Variants in TMEM132D observed in about 807,000 individuals in gnomAD.
TMEM132D encodes mature OL transmembrane protein.
TMEM132D carries 21 observed loss-of-function variants against 62.3 expected under a neutral mutation model. The ratio of observed to expected loss-of-function variants is 0.34; its 90% CI spans 0.24 to 0.49. TMEM132D has a LOEUF of 0.49. TMEM132D is among the 20% of genes least tolerant of loss of function. TMEM132D has a pLI of 0.99. For synonymous variants in TMEM132D, 621 were observed against 575.6 expected (o/e 1.08, Z -1.13); for missense variants, 1,346 against 1,402.8 (o/e 0.96, Z 0.65).
chr12:129,861,652 T>C (rs1873902048), intron 1 of TMEM132D, among the ~76,000 whole-genome samples: 1 of 149,698 alleles, frequency 6.7e-6, no homozygotes. Context: ...TCCCAGCTAC[T>C]AGGGAGGCTG....
At chr12:129,162,725 G>A (rs896872213) in intron 5 of TMEM132D, among the ~76,000 whole-genome samples, 5 of 152,106 alleles carry the variant, frequency 3.3e-5, no homozygotes, top group African/African-American at 1.2e-4. Flanking sequence ...CTCCCCCTCT[G>A]CCTTCCACCA....
At chr12:129,694,898 C>A (rs1266331603) in intron 2 of TMEM132D, among the ~76,000 whole-genome samples, 1 of 152,172 alleles carries the variant, frequency 6.6e-6, no homozygotes, top group Non-Finnish European at 1.5e-5. Context: ...ATCCCAGCTA[C>A]TTTGGAGGCT....
intron 4 of TMEM132D, among the ~76,000 whole-genome samples, chr12:129,218,026 C>G (rs1201928606): frequency 2.0e-5 from 3 of 152,124 alleles, no homozygotes; most frequent in African/African-American, 7.2e-5. Context: ...CTCCCTGGGA[C>G]TTGAATTACA....
At chr12:129,511,303 T>C (rs1875490344) in intron 3 of TMEM132D, among the ~76,000 whole-genome samples, 4 of 152,352 alleles carry the variant, frequency 2.6e-5, no homozygotes, top group African/African-American at 7.2e-5. Context: ...CATTTGTGTC[T>C]GGCTTCTTTC....
rs528502239 is a variant in TMEM132D, at chr12:129,300,914, C to T, written c.1299+36720G>A. On this transcript the variant is annotated intron_variant, in intron 4 of 8. Coordinates refer to ENST00000422113, the MANE Select transcript of TMEM132D (RefSeq NM_133448.3). ...CTCCAATCTGGTGCTTCACTTCAAC[C>T]TTTCCTTTATCCTCACACTCCCTAC... 9.2e-5 allele frequency among the ~76,000 whole-genome samples: 14 copies of T among 152,308 alleles called. No individual in the cohort carries two copies. The East Asian group carries it at 2.3e-3, about 25-fold the overall frequency.
chr12:129,100,827 C>G (rs1313082037), intron 5 of TMEM132D, among the ~76,000 whole-genome samples: 1 of 152,178 alleles, frequency 6.6e-6, no homozygotes, highest in Non-Finnish European at 1.5e-5. Context: ...GAGAAAAGGT[C>G]AATTTACAAC....
chr12:129,620,441 G>A lies in TMEM132D; in HGVS notation c.968+79369C>T, dbSNP rs57120930. Among the ~76,000 whole-genome samples, 694 of 152,208 alleles carry A rather than the reference G, an allele frequency of 4.6e-3. 5 individuals carry two copies. Among genetic ancestry groups the A allele is most frequent in the African/African-American group, 0.016 (668 of 41,544 alleles). On this transcript the variant is annotated intron_variant, in intron 2 of 8. Coordinates refer to ENST00000422113, the MANE Select transcript of TMEM132D (RefSeq NM_133448.3). ...TGGCAAAAGCCCATCTCTGATAAAA[G>A]TACAAAACCTAGCTGGGTATGGTGG...
At chr12:129,142,086 T>C (rs1335805925) in intron 5 of TMEM132D, among the ~76,000 whole-genome samples, 1 of 151,224 alleles carries the variant, frequency 6.6e-6, no homozygotes, top group Non-Finnish European at 1.5e-5. Context: ...ACCCATTTGA[T>C]GGAAAAGACA....
At chr12:129,870,283 C>T (rs1033805513) in intron 1 of TMEM132D, among the ~76,000 whole-genome samples, 4 of 152,140 alleles carry the variant, frequency 2.6e-5, no homozygotes, top group South Asian at 2.1e-4. Context: ...ATGCCAGCCA[C>T]GCCTGGGTTT....
In TMEM132D at chr12:129,827,953, T is replaced by C. The variant is rs986831816; in HGVS notation, c.79+75308A>G. On this transcript the variant is annotated intron_variant, in intron 1 of 8. Transcript: ENST00000422113. The surrounding 1 kb of genome is among the most constrained non-coding windows in gnomAD (Gnocchi z 9.7). The stretch of plus-strand genomic sequence containing the variant: ...ATATTAATGTTAATAACTTGCTAAG[T>C]AATGATAAATGTATGATAATTTATT... 6.6e-6 allele frequency among the ~76,000 whole-genome samples: 1 copy of C among 152,220 alleles called. No homozygotes were observed. Among genetic ancestry groups the C allele is most frequent in the Non-Finnish European group, 1.5e-5 (1 of 68,048 alleles).
intron 3 of TMEM132D, among the ~76,000 whole-genome samples, chr12:129,481,937 G>A (rs1022509831): frequency 2.0e-5 from 3 of 152,188 alleles, no homozygotes; most frequent in Non-Finnish European, 2.9e-5. Flanking sequence ...TGCGTTGGCC[G>A]CTGGAAGTTT....
At position 129,337,927 on chromosome 12, in the gene TMEM132D, C is replaced by A. The variant is rs944928976; in HGVS notation, c.1116-110G>T. 55 of 1,118,794 alleles carry A rather than the reference C, an allele frequency of 4.9e-5. 1 individual carries two copies. In the Admixed American group the frequency reaches 8.8e-4, roughly 18 times the overall value. 69.3% of individuals were successfully genotyped at this position (1,118,794 alleles called of 1,614,324 possible). A position where few individuals can be genotyped will look rare whatever the true frequency, so the allele number is the denominator to read the frequency against. On this transcript the variant is annotated intron_variant, in intron 3 of 8. Transcript: ENST00000422113. Reference sequence around the variant, plus strand: ...TTTCTCTATGTACCTCCACATGGAACCAAGCGCACACATCTCTGCAAAGAG... The same window carrying A: ...TTTCTCTATGTACCTCCACATGGAAACAAGCGCACACATCTCTGCAAAGAG...
chr12:129,333,783 G>A (rs562381644), intron 4 of TMEM132D, among the ~76,000 whole-genome samples: 39 of 152,252 alleles, frequency 2.6e-4, no homozygotes, highest in South Asian at 1.2e-3. Context: ...TGGGGTGCTC[G>A]GGATGGAGAG....
intron 1 of TMEM132D, among the ~76,000 whole-genome samples, chr12:129,888,965 C>T (rs563715029): frequency 1.3e-4 from 20 of 152,274 alleles, no homozygotes; most frequent in Admixed American, 9.8e-4. Flanking sequence ...CGGGGAAGTC[C>T]CAAGAAGCAT....
chr12:129,311,398 T>C (rs1282600484), intron 4 of TMEM132D, among the ~76,000 whole-genome samples: 3 of 152,078 alleles, frequency 2.0e-5, no homozygotes, highest in Non-Finnish European at 4.4e-5. Context: ...CTATGAATAA[T>C]CAGTTATTGG....
intron 1 of TMEM132D, among the ~76,000 whole-genome samples, chr12:129,897,046 G>A (rs1875163179): frequency 6.6e-6 from 1 of 152,172 alleles, no homozygotes; most frequent in South Asian, 2.1e-4. Context: ...AATGTTTAAG[G>A]ACAGAGGTGA....
chr12:129,783,264 CAGGTA>C (rs1260332582), intron 1 of TMEM132D, among the ~76,000 whole-genome samples: 19 of 152,136 alleles, frequency 1.2e-4, no homozygotes, highest in Admixed American at 6.5e-5. Context: ...TCGGAATGTG[CAGGTA>C]AGTTAACAGT....
chr12:129,192,270 T>C (rs796611233), intron 5 of TMEM132D, among the ~76,000 whole-genome samples: 11 of 152,192 alleles, frequency 7.2e-5, no homozygotes, highest in African/African-American at 2.2e-4. Context: ...GAAGTTCTCA[T>C]TTGGAATTTG....
chr12:129,768,634 A>G lies in TMEM132D; in HGVS notation c.80-67936T>C, dbSNP rs572101891. 1.1e-4 allele frequency among the ~76,000 whole-genome samples: 17 copies of G among 152,210 alleles called. No homozygotes were observed. In the South Asian group the frequency reaches 2.9e-3, roughly 26 times the overall value. ...TACATCATCAGTTCAAGACCTCCCA[A>G]TGACAGGATGAGAAGGAAATTAACA... On this transcript the variant is annotated intron_variant, in intron 1 of 8. Coordinates refer to ENST00000422113, the MANE Select transcript of TMEM132D (RefSeq NM_133448.3).
Sources: allele counts gnomAD v4.1 joint callset (sites outside exome capture counted in the v4.1 genomes callset), GRCh38; gene constraint gnomAD v4.1.1; non-coding constraint Gnocchi (gnomAD v3.1); transcripts MANE v1.5; gene names NCBI Gene and HGNC (gene_info 2026-07-23, HGNC 2026-07-21).